ZBTB20: variants seen among roughly 807,000 people sequenced by gnomAD.
ZBTB20 encodes zinc finger and BTB domain containing 20, also known as zinc finger and BTB domain-containing protein 20.
A neutral mutation model predicts 56.9 loss-of-function variants in ZBTB20; 9 were observed. The ratio of observed to expected loss-of-function variants is 0.16; its 90% confidence interval spans 0.10 to 0.28. The LOEUF (loss-of-function observed/expected upper bound fraction) is 0.28, where lower values mean the gene tolerates loss of function less well. Ranked by LOEUF, ZBTB20 falls within the 10% of genes least tolerant of loss-of-function variation. ZBTB20 has a pLI of 1.00. For missense variants in ZBTB20, 655 were observed against 1,003.0 expected (o/e 0.65, Z 4.69); for synonymous variants, 417 against 420.7 (o/e 0.99, Z 0.11).
intron 5 of ZBTB20, among the ~76,000 whole-genome samples, chr3:114,701,254 C>T (rs1316640389): frequency 6.6e-6 from 1 of 152,158 alleles, no homozygotes; most frequent in African/African-American, 2.4e-5. Context: ...TTGTAGGAAA[C>T]ATTACAATTA....
chr3:114,744,232 A>AGTCCTCTCACTTTC (rs2066858964), intron 5 of ZBTB20, among the ~76,000 whole-genome samples: 2 of 152,198 alleles, frequency 1.3e-5, no homozygotes, highest in Admixed American at 1.3e-4. Flanking sequence ...CAAGCTTTCC[A>AGTCCTCTCACTTTC]CAGTGAGAAG....
At chr3:115,041,004 A>G (rs901184113) in intron 2 of ZBTB20, among the ~76,000 whole-genome samples, 4 of 152,208 alleles carry the variant, frequency 2.6e-5, no homozygotes, top group African/African-American at 7.2e-5. Context: ...ACTGATTGGC[A>G]TGAAGTAATA....
intron 6 of ZBTB20, among the ~76,000 whole-genome samples, chr3:114,591,714 A>T (rs1428459382): frequency 6.6e-6 from 1 of 152,212 alleles, no homozygotes; most frequent in Non-Finnish European, 1.5e-5. Context: ...AAGAAAACTA[A>T]CAATAACTTT....
Position 115,125,339 on chromosome 3 carries a change from C to A in ZBTB20, c.-703+21880G>T, listed in dbSNP as rs139742431. Among the ~76,000 whole-genome samples the A allele has an allele frequency of 1.5e-3, 215 of 141,236 alleles. 2 individuals are homozygous for A. Among genetic ancestry groups the A allele is most frequent in the Middle Eastern group, 3.4e-3 (1 of 290 alleles). The allele number at this position is 141,236 out of a possible 152,430, so 92.7% of individuals were successfully genotyped here. On this transcript the variant is annotated intron_variant, in intron 1 of 11. Transcript: ENST00000675478. ...GCCTGGGCAACAGAGCAAGACCCTG[C>A]CTCAAATAAAAAAAAAAAAAAGAAA...
chr3:114,596,449 G>A (rs1400371571), intron 6 of ZBTB20, among the ~76,000 whole-genome samples: 1 of 152,146 alleles, frequency 6.6e-6, no homozygotes, highest in East Asian at 1.9e-4. Context: ...ACAGAAAGGT[G>A]TAGAAGGCAA....
chr3:114,652,397 A>G (rs957949181), intron 6 of ZBTB20, among the ~76,000 whole-genome samples: 7 of 152,060 alleles, frequency 4.6e-5, no homozygotes, highest in African/African-American at 1.7e-4. Flanking sequence ...CACAATTTGT[A>G]TATCCACTTT....
chr3:114,434,654 G>A (rs2090388745), intron 7 of ZBTB20, among the ~76,000 whole-genome samples: 1 of 151,614 alleles, frequency 6.6e-6, no homozygotes, highest in Admixed American at 6.6e-5. Flanking sequence ...CTCAAATAAT[G>A]CAATTGAAAA....
chr3:114,781,087 T>C (rs1336482513), intron 5 of ZBTB20, among the ~76,000 whole-genome samples: 1 of 152,222 alleles, frequency 6.6e-6, no homozygotes, highest in Admixed American at 6.5e-5. Context: ...GACTTGATAC[T>C]AAGGAATAAA....
intron 5 of ZBTB20, among the ~76,000 whole-genome samples, chr3:114,767,601 G>A (rs977442402): frequency 1.1e-4 from 17 of 151,780 alleles, no homozygotes; most frequent in African/African-American, 3.9e-4. Context: ...AGAAAGGGAG[G>A]AGGGAGGGAG....
At chr3:114,743,688 A>C (rs1179787010) in intron 5 of ZBTB20, 2 of 154,248 alleles carry the variant, frequency 1.3e-5, no homozygotes, top group Non-Finnish European at 2.9e-5. Context: ...AAACTTGGTG[A>C]AGGGGCAGTA....
At chr3:115,116,722 G>C (rs1056209041) in intron 1 of ZBTB20, among the ~76,000 whole-genome samples, 1 of 151,996 alleles carries the variant, frequency 6.6e-6, no homozygotes. Context: ...AAGAAAGAGA[G>C]AGACAGAGAC....
chr3:114,601,291 T>C (rs2056742595), intron 6 of ZBTB20, among the ~76,000 whole-genome samples: 1 of 152,058 alleles, frequency 6.6e-6, no homozygotes. Context: ...TTCTTCCAGA[T>C]TATCTCGCAC....
At chr3:114,894,573 G>A (rs1257914539) in intron 4 of ZBTB20, among the ~76,000 whole-genome samples, 2 of 152,140 alleles carry the variant, frequency 1.3e-5, no homozygotes, top group African/African-American at 4.8e-5. Flanking sequence ...ATTAGGGTGG[G>A]CCTGAATTCA....
At chr3:114,653,716 T>C (rs946428723) in intron 6 of ZBTB20, among the ~76,000 whole-genome samples, 1 of 151,962 alleles carries the variant, frequency 6.6e-6, no homozygotes, top group African/African-American at 2.4e-5. Context: ...TCCTTAAATG[T>C]TATATAGAAT....
chr3:114,429,537 T>C (rs1463924199), intron 7 of ZBTB20, among the ~76,000 whole-genome samples: 2 of 152,194 alleles, frequency 1.3e-5, no homozygotes, highest in Non-Finnish European at 2.9e-5. Context: ...GCTCTCCTTC[T>C]GCCCAGTCTC....
chr3:114,897,462 T>G (rs906218049), intron 4 of ZBTB20, among the ~76,000 whole-genome samples: 1 of 152,132 alleles, frequency 6.6e-6, no homozygotes, highest in African/African-American at 2.4e-5. Context: ...TTTATTTCCT[T>G]AACCCTGAAA....
At chr3:114,519,060 G>A (rs2109903253) in intron 6 of ZBTB20, 1 of 152,304 alleles carries the variant, frequency 6.6e-6, no homozygotes, top group East Asian at 1.9e-4. Flanking sequence ...CAGTCCTAAA[G>A]GAAGCACCCC....
rs1308267648 is a variant in ZBTB20, at chr3:114,787,348, TATATATATATATATATATATAC to T, written c.-343+13731_-343+13752del. On this transcript the variant is annotated intron_variant, in intron 5 of 11. Coordinates refer to ENST00000675478, the MANE Select transcript of ZBTB20 (RefSeq NM_001348800.3). ...TTAAAAGGTTATATATATATATATA[TATATATATATATATATATATAC>T]ACACACACACACACACACACACATA... 2.5e-5 allele frequency among the ~76,000 whole-genome samples: 3 copies of T among 122,322 alleles called. 1 individual carries two copies. The highest frequency in any genetic ancestry group is 7.9e-5 in the Admixed American group (1 of 12,620). The allele number at this position is 122,322 out of a possible 152,430, so 80.2% of individuals were successfully genotyped here.
chr3:114,834,259 C>G (rs1440117226), intron 4 of ZBTB20, among the ~76,000 whole-genome samples: 1 of 152,104 alleles, frequency 6.6e-6, no homozygotes, highest in Non-Finnish European at 1.5e-5. Context: ...TCTTCAAAAT[C>G]TAAAATGAAT....
Sources: allele counts gnomAD v4.1 joint callset (sites outside exome capture counted in the v4.1 genomes callset), GRCh38; gene constraint gnomAD v4.1.1; transcripts MANE v1.5; gene names NCBI Gene and HGNC (gene_info 2026-07-23, HGNC 2026-07-21).